The following APBB2 variants were observed in gnomAD, a reference collection of about 807,000 sequenced individuals.
APBB2 encodes the protein Fe65-like 1.
APBB2 carries 38 observed loss-of-function variants against 82.5 expected under a neutral mutation model. That is an observed-to-expected ratio of 0.46 (90% CI 0.36 to 0.60). The LOEUF is 0.60. Ranked by LOEUF, APBB2 falls within the 20% of genes least tolerant of loss-of-function variation. The probability of loss-of-function intolerance (pLI) is 0.00; values close to 1 mark genes in which losing one functional copy is unlikely to be tolerated. For missense variants in APBB2, 772 were observed against 972.3 expected (o/e 0.79, Z 2.74); for synonymous variants, 341 against 368.2 (o/e 0.93, Z 0.85).
intron 11 of APBB2, 151 bp downstream of exon 11, chr4:40,893,114 G>T (rs2154352714): frequency 7.0e-6 from 6 of 860,038 alleles, no homozygotes; most frequent in African/African-American, 3.4e-5. Context: ...TCACACGGGG[G>T]TACCATGCCT....
chr4:40,975,574 CT>C (rs1796954344), intron 6 of APBB2, among the ~76,000 whole-genome samples: 2 of 152,228 alleles, frequency 1.3e-5, no homozygotes, highest in Admixed American at 1.3e-4. Context: ...TAATAAATAT[CT>C]TCCTCTTCTA....
At chr4:41,187,777 C>T (rs779448328) in intron 1 of APBB2, among the ~76,000 whole-genome samples, 4 of 152,154 alleles carry the variant, frequency 2.6e-5, no homozygotes, top group African/African-American at 9.7e-5. Context: ...ACAGACAGTA[C>T]TCTCAATTCA....
intron 12 of APBB2, among the ~76,000 whole-genome samples, chr4:40,861,652 A>G (rs1470621872): frequency 6.6e-6 from 1 of 152,220 alleles, no homozygotes; most frequent in Non-Finnish European, 1.5e-5. Flanking sequence ...AAGGTACACA[A>G]ACGGTGTTTA....
chr4:40,872,056 G>T (rs1400531372), intron 12 of APBB2, among the ~76,000 whole-genome samples: 4 of 152,228 alleles, frequency 2.6e-5, no homozygotes, highest in African/African-American at 9.6e-5. Flanking sequence ...TTGAAGTGAG[G>T]CGCAGTTACG....
chr4:40,960,216 A>T (rs1441069665), intron 6 of APBB2, among the ~76,000 whole-genome samples: 1 of 152,106 alleles, frequency 6.6e-6, no homozygotes, highest in South Asian at 2.1e-4. Context: ...ACTTAAAGGG[A>T]TCAGAGTAAA....
intron 6 of APBB2, among the ~76,000 whole-genome samples, chr4:40,987,218 AT>A (rs35989167): frequency 0.28 from 43,316 of 152,134 alleles, 6,811 homozygotes; most frequent in East Asian, 0.54. Context: ...GATACTAAGC[AT>A]ATCATCAAAA....
At chr4:40,961,189 G>A (rs1003571607) in intron 6 of APBB2, among the ~76,000 whole-genome samples, 1 of 151,854 alleles carries the variant, frequency 6.6e-6, no homozygotes, top group Non-Finnish European at 1.5e-5. Flanking sequence ...GTTATTTTGG[G>A]GTCTTGTATT....
intron 10 of APBB2, among the ~76,000 whole-genome samples, chr4:40,922,785 AT>A (rs112361078): frequency 0.014 from 1,853 of 129,674 alleles, 5 homozygotes; most frequent in Middle Eastern, 0.03. Context: ...TAAATTTTGT[AT>A]TTTTTTTTTT....
chr4:41,110,877 A>G (rs557178045), intron 2 of APBB2, among the ~76,000 whole-genome samples: 5 of 152,330 alleles, frequency 3.3e-5, no homozygotes, highest in African/African-American at 1.2e-4. Context: ...ATTCAAATGC[A>G]TGATGTTTAT....
intron 6 of APBB2, among the ~76,000 whole-genome samples, chr4:40,994,386 A>G (rs1803036824): frequency 6.6e-6 from 1 of 152,214 alleles, no homozygotes; most frequent in Non-Finnish European, 1.5e-5. Context: ...GCAAATGAAG[A>G]AAATAAGATT....
At chr4:41,043,942 T>A (rs1034306360) in intron 4 of APBB2, among the ~76,000 whole-genome samples, 8 of 152,204 alleles carry the variant, frequency 5.3e-5, no homozygotes, top group Middle Eastern at 3.2e-3. Flanking sequence ...CTGAATTGCC[T>A]GCAAATTGGA....
At chr4:41,136,197 T>C (rs540670611) in intron 2 of APBB2, among the ~76,000 whole-genome samples, 1 of 152,344 alleles carries the variant, frequency 6.6e-6, no homozygotes, top group South Asian at 2.1e-4. Context: ...AACCCAGCCA[T>C]GCTTTGATTC....
At chr4:40,992,792 A>ATTAC (rs1802518753) in intron 6 of APBB2, among the ~76,000 whole-genome samples, 1 of 152,108 alleles carries the variant, frequency 6.6e-6, no homozygotes, top group South Asian at 2.1e-4. Flanking sequence ...CACCCCTTCA[A>ATTAC]GTAAGACCGA....
intron 2 of APBB2, among the ~76,000 whole-genome samples, chr4:41,135,013 A>T (rs537540039): frequency 4.6e-5 from 7 of 152,276 alleles, no homozygotes; most frequent in African/African-American, 1.4e-4. Flanking sequence ...ATAATCAAGG[A>T]TCTAAAGTCC....
intron 12 of APBB2, chr4:40,880,148 C>T (rs191392852): frequency 1.0e-6 from 1 of 985,388 alleles, no homozygotes; most frequent in East Asian, 1.1e-4. Context: ...ACACAGAGCG[C>T]CCCTAACATC....
intron 10 of APBB2, among the ~76,000 whole-genome samples, chr4:40,896,433 G>A (rs1331815627): frequency 6.6e-6 from 1 of 152,208 alleles, no homozygotes; most frequent in Non-Finnish European, 1.5e-5. Flanking sequence ...GCTCTCTGAT[G>A]TACTGTGGGA....
At chr4:40,970,380 A>AT (rs1222811060) in intron 6 of APBB2, among the ~76,000 whole-genome samples, 1 of 151,432 alleles carries the variant, frequency 6.6e-6, no homozygotes, top group Non-Finnish European at 1.5e-5. Flanking sequence ...TTTCAATCTC[A>AT]TTTTTTTTCT....
Position 41,014,298 on chromosome 4 carries a change from G to A in APBB2, c.120C>T (p.Asn40=), listed in dbSNP as rs767269952. ...ACAGTTCATTGTGGGAGGATCGGAGGTTAAGGGTGTTTGGTGGTGTGGCTG... is the reference window on the plus strand; with the variant it reads ...ACAGTTCATTGTGGGAGGATCGGAGATTAAGGGTGTTTGGTGGTGTGGCTG... ...NSPATPPNTL[N]LRSSHNELLN... is the part of the protein sequence containing the mutation. The change falls in exon 6 of 18, where the codon AAC becomes AAT. Residue 40 remains asparagine, a synonymous_variant. Transcript: ENST00000508593. 3 of 1,614,168 alleles carry A rather than the reference G, an allele frequency of 1.9e-6. No individual in the cohort carries two copies. Among genetic ancestry groups the A allele is most frequent in the Non-Finnish European group, 1.7e-6 (2 of 1,180,036 alleles).
intron 2 of APBB2, among the ~76,000 whole-genome samples, chr4:41,141,367 C>G (rs148136495): frequency 6.6e-6 from 1 of 151,870 alleles, no homozygotes; most frequent in Non-Finnish European, 1.5e-5. Flanking sequence ...TGTGTGCACA[C>G]GCGCATGTGT....
Sources: gnomAD v4.1 joint callset for allele counts (sites outside exome capture counted in the v4.1 genomes callset) on GRCh38, gnomAD v4.1.1 for gene constraint, MANE v1.5 for transcripts, NCBI Gene and HGNC (gene_info 2026-07-23, HGNC 2026-07-21) for gene names.